OVCH1: variants seen among roughly 807,000 people sequenced by gnomAD.
OVCH1 encodes the protein ovochymase-1.
In OVCH1, 139 loss-of-function variants were observed where a neutral mutation model predicts 138.4. That is an observed-to-expected ratio of 1.00 (90% confidence interval 0.87 to 1.16). The LOEUF (loss-of-function observed/expected upper bound fraction) is 1.16. OVCH1 is among the 50% of genes most tolerant of loss of function. The pLI is 0.00. For synonymous variants in OVCH1, 453 were observed against 467.8 expected (o/e 0.97, Z 0.41); for missense variants, 1,367 against 1,357.9 (o/e 1.01, Z -0.11).
At chr12:29,481,862 C>T (rs1417006934) in intron 8 of OVCH1, among the ~76,000 whole-genome samples, 2 of 152,190 alleles carry the variant, frequency 1.3e-5, no homozygotes, top group Non-Finnish European at 2.9e-5. Flanking sequence ...ATGGGGATCT[C>T]ATTCTCCCTC....
intron 15 of OVCH1, 133 bp downstream of exon 15, chr12:29,472,896 T>C (rs1393839043): frequency 8.3e-6 from 6 of 723,698 alleles, no homozygotes; most frequent in Non-Finnish European, 1.3e-5. Context: ...GGACGTTTTA[T>C]GGACCTAAAT....
At chr12:29,461,717 C>T (rs750702110) in intron 19 of OVCH1, 137 bp downstream of exon 19, 12 of 1,058,262 alleles carry the variant, frequency 1.1e-5, no homozygotes, top group Admixed American at 2.0e-5. Context: ...TCTGTTGCCC[C>T]ACTGGTCTTC....
At chr12:29,488,066 A>G (rs971760349) in intron 6 of OVCH1, among the ~76,000 whole-genome samples, 184 bp from the exon 7 acceptor site, 5 of 152,162 alleles carry the variant, frequency 3.3e-5, no homozygotes, top group Non-Finnish European at 7.3e-5. Context: ...GTTTCAAGGC[A>G]AAATCTTTTC....
chr12:29,455,521 A>G (rs1474837695), intron 19 of OVCH1, 116 bp from the exon 20 acceptor site: 5 of 1,174,150 alleles, frequency 4.3e-6, no homozygotes, highest in Non-Finnish European at 5.7e-6. Flanking sequence ...TTCCTTAAAG[A>G]TTTGTTTTGT....
At chr12:29,476,464 A>G (rs1192737491) in intron 12 of OVCH1, among the ~76,000 whole-genome samples, 165 bp from the exon 13 acceptor site, 1 of 152,168 alleles carries the variant, frequency 6.6e-6, no homozygotes, top group Non-Finnish European at 1.5e-5. Context: ...GGCAACGACT[A>G]CCAGGTTTAA....
exon 6 of OVCH1, chr12:29,489,745 C>G: frequency 6.2e-7 from 1 of 1,610,914 alleles, no homozygotes; most frequent in Non-Finnish European, 8.5e-7. Context: ...AGTTCCATTT[C>G]TTGTAGGACA....
intron 3 of OVCH1, among the ~76,000 whole-genome samples, chr12:29,420,395 G>A (rs1482735518): frequency 6.7e-6 from 1 of 149,436 alleles, no homozygotes; most frequent in Non-Finnish European, 1.5e-5. Context: ...CACATGTTAA[G>A]ACATCATTAT....
At chr12:29,405,768 A>C in the OVCH1 span, among the ~76,000 whole-genome samples, 3 of 152,210 alleles carry the variant, frequency 2.0e-5, no homozygotes, top group Admixed American at 2.0e-4. Context: ...CAATCAGTAC[A>C]ATTCATTTTT....
exon 13 of OVCH1, chr12:29,476,244 A>G: frequency 6.2e-7 from 1 of 1,613,690 alleles, no homozygotes; most frequent in Non-Finnish European, 8.5e-7. Context: ...GTAAATCACA[A>G]CAGCATCATA....
chr12:29,409,931 G>T (rs946104441), downstream of OVCH1, among the ~76,000 whole-genome samples: 1 of 152,120 alleles, frequency 6.6e-6, no homozygotes, highest in African/African-American at 2.4e-5. Context: ...CATTATTGGT[G>T]TGTGGGAGTC....
intron 25 of OVCH1, chr12:29,440,559 T>C (rs758559162): frequency 3.0e-6 from 1 of 329,848 alleles, no homozygotes; most frequent in Non-Finnish European, 5.9e-6. Context: ...TTAACATGCC[T>C]TCTCTTATTT....
chr12:29,443,279 C>A, intron 25 of OVCH1, 82 bp downstream of exon 25: 1 of 1,389,438 alleles, frequency 7.2e-7, no homozygotes, highest in Non-Finnish European at 9.9e-7. Context: ...CACATGTAAG[C>A]CACATACTGA....
intron 22 of OVCH1, among the ~76,000 whole-genome samples, chr12:29,447,466 T>G (rs2135933718): frequency 6.6e-6 from 1 of 152,218 alleles, no homozygotes; most frequent in East Asian, 1.9e-4. Context: ...GTAATTTAAC[T>G]TCATGCAAAA....
intron 12 of OVCH1, 93 bp from the exon 13 acceptor site, chr12:29,476,392 C>G (rs1942716326): frequency 9.7e-7 from 1 of 1,026,542 alleles, no homozygotes; most frequent in Admixed American, 1.8e-5. Context: ...GGCTCTTTGT[C>G]ACATCCTCAT....
intron 22 of OVCH1, among the ~76,000 whole-genome samples, 174 bp from the exon 23 acceptor site, chr12:29,445,577 G>A (rs769479145): frequency 1.3e-5 from 2 of 152,044 alleles, no homozygotes; most frequent in African/African-American, 4.8e-5. Context: ...CAAACTAGCC[G>A]GGTGGGAAGC....
Position 29,480,859 on chromosome 12 carries a change from G to A in OVCH1, c.996-1951C>T, listed in dbSNP as rs72640146. Among the ~76,000 whole-genome samples, 1,529 of 152,234 alleles carry A rather than the reference G, an allele frequency of 0.01. 87 individuals carry two copies. The East Asian group carries it at 0.17, about 17-fold the overall frequency. Reference sequence around the variant, plus strand: ...CCCTTTCACTATCTAAGGCTACTCAGCATGCTGAAGAAGTCACTGACTGTG... The same window carrying A: ...CCCTTTCACTATCTAAGGCTACTCAACATGCTGAAGAAGTCACTGACTGTG... On this transcript the variant is annotated intron_variant, in intron 8 of 27. Transcript: ENST00000318184.
chr12:29,460,412 C>G (rs899297532), intron 19 of OVCH1, among the ~76,000 whole-genome samples: 1 of 152,118 alleles, frequency 6.6e-6, no homozygotes, highest in Non-Finnish European at 1.5e-5. Flanking sequence ...TATCAGATAA[C>G]ATTTATGTAC....
chr12:29,468,097 G>A (rs1403497873), intron 16 of OVCH1, among the ~76,000 whole-genome samples: 1 of 152,042 alleles, frequency 6.6e-6, no homozygotes. Flanking sequence ...ATAATGTTAT[G>A]TGCAAAAAAA....
chr12:29,428,523 A>G (rs1468948808), intron 27 of OVCH1, among the ~76,000 whole-genome samples: 1 of 152,208 alleles, frequency 6.6e-6, no homozygotes, highest in Non-Finnish European at 1.5e-5. Flanking sequence ...GTTGAAGAGT[A>G]TGGTGCTATG....
Sources: allele counts gnomAD v4.1 joint callset (sites outside exome capture counted in the v4.1 genomes callset), GRCh38; gene constraint gnomAD v4.1.1; transcripts MANE v1.5; gene names NCBI Gene and HGNC (gene_info 2026-07-23, HGNC 2026-07-21).